The following ABCC4 variants were observed in gnomAD, a reference collection of about 807,000 sequenced individuals.
ABCC4 encodes ATP binding cassette subfamily C member 4 (PEL blood group), also known as ATP-binding cassette sub-family C member 4.
Under a neutral mutation model 168.5 loss-of-function variants are expected in ABCC4, and 102 were observed. That is an observed-to-expected ratio of 0.61 (90% CI 0.52 to 0.71). The LOEUF is 0.71. Among genes scored for constraint, ABCC4 ranks in the 30% least tolerant of loss-of-function variants. The pLI is 0.00. For missense variants in ABCC4, 1,402 were observed against 1,605.8 expected, an observed-to-expected ratio of 0.87 and a Z score of 2.17; for synonymous variants, 617 against 590.7, an observed-to-expected ratio of 1.04 and a Z score of -0.65.
intron 30 of ABCC4, among the ~76,000 whole-genome samples, chr13:95,032,627 G>A (rs1420199146): frequency 6.6e-6 from 1 of 151,880 alleles, no homozygotes; most frequent in African/African-American, 2.4e-5. Context: ...CTTTAATACA[G>A]AAATACCATT....
intron 1 of ABCC4, among the ~76,000 whole-genome samples, chr13:95,275,167 C>T (rs530376366): frequency 6.6e-6 from 1 of 152,202 alleles, no homozygotes; most frequent in Non-Finnish European, 1.5e-5. Context: ...CCCAGGCCTA[C>T]ATCACCCTAT....
At chr13:95,257,013 A>G (rs1373845496) in intron 1 of ABCC4, among the ~76,000 whole-genome samples, 2 of 152,248 alleles carry the variant, frequency 1.3e-5, no homozygotes, top group African/African-American at 4.8e-5. Context: ...ATCCTTGAAC[A>G]ATGCAGGGAT....
intron 30 of ABCC4, among the ~76,000 whole-genome samples, chr13:95,032,198 G>A (rs535203590): frequency 3.9e-5 from 6 of 152,216 alleles, no homozygotes; most frequent in South Asian, 2.1e-4. Flanking sequence ...GATTTTTGTC[G>A]ATCCTAAAGC....
intron 1 of ABCC4, among the ~76,000 whole-genome samples, chr13:95,259,969 CAG>C (rs1053441047): frequency 1.2e-4 from 19 of 152,156 alleles, no homozygotes; most frequent in East Asian, 3.9e-4. Context: ...TTCTGTACAG[CAG>C]AGTTTCTCAA....
chr13:95,065,930 C>T lies in ABCC4; in HGVS notation c.3211-3071G>A, dbSNP rs542251969. Among the ~76,000 whole-genome samples the T allele has an allele frequency of 3.3e-5, 5 of 152,336 alleles. No homozygotes were observed. The East Asian group carries it at 5.8e-4, about 18-fold the overall frequency. On this transcript the variant is annotated intron_variant, in intron 25 of 30. Coordinates refer to ENST00000645237, the MANE Select transcript of ABCC4 (RefSeq NM_005845.5). The stretch of plus-strand genomic sequence containing the variant: ...GGCTTCAGGCCTTCAGCGTCTTCCC[C>T]GTGCACTCATTTCTCAGATTAAACT...
chr13:95,025,957 C>T (rs1184545919), intron 30 of ABCC4, among the ~76,000 whole-genome samples: 1 of 152,186 alleles, frequency 6.6e-6, no homozygotes, highest in Non-Finnish European at 1.5e-5. Flanking sequence ...TGGCTCACAC[C>T]TGTAATCCCA....
At chr13:95,099,053 G>A (rs1034202352) in intron 20 of ABCC4, among the ~76,000 whole-genome samples, 2 of 152,148 alleles carry the variant, frequency 1.3e-5, no homozygotes, top group Admixed American at 6.5e-5. Flanking sequence ...GAAAACATAT[G>A]TAGTGTACCC....
intron 30 of ABCC4, among the ~76,000 whole-genome samples, chr13:95,025,351 CA>C (rs1566351660): frequency 4.9e-5 from 2 of 40,486 alleles, no homozygotes; most frequent in East Asian, 8.4e-4. Flanking sequence ...CACACACCCA[CA>C]CCCCCACACA....
rs540440379 is a variant in ABCC4 at position 95,148,621 on chromosome 13, C to CAT, written c.2455+12567_2455+12568insAT. 7.8e-3 allele frequency among the ~76,000 whole-genome samples: 1,182 copies of CAT among 151,454 alleles called. 13 individuals carry two copies. Among genetic ancestry groups the CAT allele is most frequent in the Non-Finnish European group, 0.014 (924 of 67,702 alleles). On this transcript the variant is annotated intron_variant, in intron 19 of 30. Coordinates refer to ENST00000645237, the MANE Select transcript of ABCC4 (RefSeq NM_005845.5). ...ACACACACACACACACACACACACA[C>CAT]ACACACACACACACACAATCAATGC...
chr13:95,091,236 G>A (rs867360110), intron 20 of ABCC4, among the ~76,000 whole-genome samples: 2 of 152,134 alleles, frequency 1.3e-5, no homozygotes, highest in Non-Finnish European at 2.9e-5. Flanking sequence ...GCAAATAATC[G>A]AGGAAAACTT....
intron 21 of ABCC4, among the ~76,000 whole-genome samples, chr13:95,079,443 T>C (rs886886022): frequency 2.0e-5 from 3 of 152,224 alleles, no homozygotes; most frequent in African/African-American, 4.8e-5. Flanking sequence ...ATAGTGCCTC[T>C]GGTAGTTCCC....
chr13:95,075,768 G>A, intron 21 of ABCC4: 1 of 464,406 alleles, frequency 2.2e-6, no homozygotes, highest in Non-Finnish European at 3.7e-6. Flanking sequence ...TAAGGGGCCT[G>A]GAAATAAACG....
intron 27 of ABCC4, 37 bp downstream of exon 27, chr13:95,053,058 G>A (rs867282145): frequency 6.4e-7 from 1 of 1,551,720 alleles, no homozygotes; most frequent in Middle Eastern, 1.7e-4. Context: ...ACATACTGAG[G>A]CTAACAGACT....
At chr13:95,292,040 G>A (rs771238268) in intron 1 of ABCC4, among the ~76,000 whole-genome samples, 17 of 152,088 alleles carry the variant, frequency 1.1e-4, no homozygotes, top group Non-Finnish European at 1.8e-4. Context: ...TGTGTAGCAG[G>A]CATCTCAAAC....
At chr13:95,237,535 G>A (rs2039808251) in intron 3 of ABCC4, among the ~76,000 whole-genome samples, 1 of 152,114 alleles carries the variant, frequency 6.6e-6, no homozygotes, top group South Asian at 2.1e-4. Context: ...AACCATGGAG[G>A]TTTTTGAGAG....
intron 26 of ABCC4, among the ~76,000 whole-genome samples, chr13:95,059,406 G>A (rs889814872): frequency 2.0e-5 from 3 of 152,186 alleles, no homozygotes; most frequent in African/African-American, 4.8e-5. Flanking sequence ...TGTCTGGGAC[G>A]CAACAATCAC....
At chr13:95,292,740 AT>A (rs576212090) in intron 1 of ABCC4, among the ~76,000 whole-genome samples, 8 of 152,154 alleles carry the variant, frequency 5.3e-5, no homozygotes, top group Admixed American at 3.9e-4. Context: ...CAACCCACTA[AT>A]TCTATGACAC....
At chr13:95,164,227 T>C (rs2037198931) in intron 16 of ABCC4, 151 bp downstream of exon 16, 2 of 889,884 alleles carry the variant, frequency 2.2e-6, no homozygotes, top group African/African-American at 1.7e-5. Context: ...GTAACGGACA[T>C]GGAACACCAG....
At chr13:95,197,069 T>C (rs561902921) in intron 8 of ABCC4, among the ~76,000 whole-genome samples, 1 of 152,188 alleles carries the variant, frequency 6.6e-6, no homozygotes, top group South Asian at 2.1e-4. Flanking sequence ...CAGCTCAGGG[T>C]GGCTGCAGCT....
Sources: gnomAD v4.1 joint callset for allele counts (sites outside exome capture counted in the v4.1 genomes callset) on GRCh38, gnomAD v4.1.1 for gene constraint, MANE v1.5 for transcripts, NCBI Gene and HGNC (gene_info 2026-07-23, HGNC 2026-07-21) for gene names.